Variants in P2RY6 observed in about 807,000 individuals in gnomAD.
The protein encoded by P2RY6 is P2Y purinoceptor 6.
Under a neutral mutation model 16.3 loss-of-function variants are expected in P2RY6, and 19 were observed. The observed-to-expected ratio is 1.16, with a 90% CI of 0.81 to 1.71. The LOEUF is 1.71. Ranked by LOEUF, P2RY6 falls within the 40% of genes most tolerant of loss-of-function variation. P2RY6 has a pLI of 0.00. For missense variants in P2RY6, 389 were observed against 455.5 expected (o/e 0.85, Z 1.33); for synonymous variants, 184 against 201.5 (o/e 0.91, Z 0.74).
intron 1 of P2RY6, among the ~76,000 whole-genome samples, chr11:73,276,949 A>G (rs949616091): frequency 7.2e-5 from 11 of 152,176 alleles, no homozygotes; most frequent in African/African-American, 2.7e-4. Context: ...GTCCTCAGGT[A>G]GGTGAAAGGG....
upstream of P2RY6, chr11:73,270,153 T>C (rs1036664809): frequency 7.2e-5 from 11 of 152,260 alleles, no homozygotes; most frequent in Non-Finnish European, 1.2e-4. Context: ...ACACTCCTGA[T>C]ATGTAAGTGC....
chr11:73,285,673 A>C (rs1035265545), intron 1 of P2RY6, among the ~76,000 whole-genome samples: 8 of 152,226 alleles, frequency 5.3e-5, no homozygotes, highest in Non-Finnish European at 1.5e-5. Context: ...TCCCAAAAGA[A>C]GAGACTATGC....
chr11:73,270,617 A>C (rs2135684460), upstream of P2RY6, among the ~76,000 whole-genome samples: 1 of 152,234 alleles, frequency 6.6e-6, no homozygotes, highest in South Asian at 2.1e-4. Context: ...TGGTTGAGGG[A>C]TGTGCTCCCT....
At chr11:73,284,262 A>T (rs1045364548) in intron 1 of P2RY6, among the ~76,000 whole-genome samples, 1 of 152,096 alleles carries the variant, frequency 6.6e-6, no homozygotes, top group African/African-American at 2.4e-5. Flanking sequence ...ACAGTGCAGG[A>T]TGGAGCAGTC....
intron 1 of P2RY6, among the ~76,000 whole-genome samples, chr11:73,293,118 T>C (rs946113972): frequency 6.6e-6 from 1 of 151,894 alleles, no homozygotes. Flanking sequence ...AGAAGCAAGG[T>C]GAGATCTGGA....
chr11:73,275,432 G>A (rs190072369), intron 1 of P2RY6, among the ~76,000 whole-genome samples: 40 of 152,334 alleles, frequency 2.6e-4, no homozygotes, highest in African/African-American at 9.1e-4. Flanking sequence ...AGGGACAGGG[G>A]CATGACAGGG....
chr11:73,267,247 G>A (rs549429926), intron 1 of P2RY6, among the ~76,000 whole-genome samples: 1 of 152,286 alleles, frequency 6.6e-6, no homozygotes, highest in African/African-American at 2.4e-5. Flanking sequence ...CATGTGAGAA[G>A]CCCCAGAAAA....
chr11:73,272,675 A>T (rs1863363999), intron 1 of P2RY6, among the ~76,000 whole-genome samples: 1 of 152,166 alleles, frequency 6.6e-6, no homozygotes, highest in Non-Finnish European at 1.5e-5. Context: ...GCACCGCAGG[A>T]CGGGGTCAGT....
At chr11:73,291,839 G>A (rs1864263006) in intron 1 of P2RY6, among the ~76,000 whole-genome samples, 1 of 152,020 alleles carries the variant, frequency 6.6e-6, no homozygotes, top group East Asian at 1.9e-4. Context: ...AAGGGAAGGG[G>A]CTTATCTAGT....
chr11:73,279,432 A>G (rs1863669379), intron 1 of P2RY6, among the ~76,000 whole-genome samples: 1 of 152,174 alleles, frequency 6.6e-6, no homozygotes, highest in Admixed American at 6.5e-5. Context: ...CTTTTGGTTC[A>G]GGGTGGTTAG....
intron 1 of P2RY6, among the ~76,000 whole-genome samples, chr11:73,275,335 G>A (rs1182025361): frequency 6.6e-6 from 1 of 152,176 alleles, no homozygotes; most frequent in African/African-American, 2.4e-5. Flanking sequence ...CAGAGTGAGG[G>A]ATAACCTTGT....
rs565054465 is a variant in P2RY6 at position 73,283,730 on chromosome 11, T to C, written c.-121+11264T>C. Among the ~76,000 whole-genome samples, 5 of 152,120 alleles carry C rather than the reference T, an allele frequency of 3.3e-5. No individual in the cohort carries two copies. In the East Asian group the frequency reaches 7.7e-4, roughly 24 times the overall value. ...TGCCCTGGGCCTGACTGTAAGTGTGTGAGAAATGGGTGCAGGGAGGCAGGG... is the reference window on the plus strand; with the variant it reads ...TGCCCTGGGCCTGACTGTAAGTGTGCGAGAAATGGGTGCAGGGAGGCAGGG... On this transcript the variant is annotated intron_variant, in intron 1 of 2. Coordinates refer to ENST00000540124, the MANE Select transcript of P2RY6 (RefSeq NM_001277204.2).
intron 1 of P2RY6, among the ~76,000 whole-genome samples, chr11:73,284,363 G>A (rs1295444071): frequency 6.6e-6 from 1 of 152,122 alleles, no homozygotes; most frequent in African/African-American, 2.4e-5. Context: ...GGCAAGGGGA[G>A]GGAGAGAAGC....
At chr11:73,288,163 T>C (rs1392027088) in intron 1 of P2RY6, among the ~76,000 whole-genome samples, 1 of 152,246 alleles carries the variant, frequency 6.6e-6, no homozygotes, top group African/African-American at 2.4e-5. Context: ...TTTTGCACAA[T>C]GCTTGGTGCA....
chr11:73,266,889 G>C (rs1242662799), intron 1 of P2RY6, among the ~76,000 whole-genome samples: 1 of 152,150 alleles, frequency 6.6e-6, no homozygotes, highest in Non-Finnish European at 1.5e-5. Flanking sequence ...GAGCCCTCCT[G>C]GGGAGAAGGA....
chr11:73,294,131 G>A lies in P2RY6; in HGVS notation c.-120-1599G>A, dbSNP rs563742117. The stretch of plus-strand genomic sequence containing the variant: ...GGTGACGAGGGGAACATGATAGAGG[G>A]GTGCTATGTTCTTCAACCTTCCTCC... On this transcript the variant is annotated intron_variant, in intron 1 of 2. Coordinates refer to ENST00000540124, the MANE Select transcript of P2RY6 (RefSeq NM_001277204.2). 2.0e-5 allele frequency among the ~76,000 whole-genome samples: 3 copies of A among 152,206 alleles called. No homozygotes were observed. In the South Asian group the frequency reaches 6.2e-4, roughly 32 times the overall value.
intron 1 of P2RY6, among the ~76,000 whole-genome samples, chr11:73,291,128 C>T (rs540538862): frequency 8.5e-5 from 13 of 152,296 alleles, no homozygotes; most frequent in African/African-American, 1.7e-4. Flanking sequence ...ATGAGCCTTT[C>T]CTTCCCCTCT....
At chr11:73,279,857 G>A (rs181733049) in intron 1 of P2RY6, among the ~76,000 whole-genome samples, 1 of 152,330 alleles carries the variant, frequency 6.6e-6, no homozygotes, top group East Asian at 1.9e-4. Context: ...ATGCAGGACA[G>A]GCAAACATTC....
At chr11:73,296,306 G>A (rs1324628713) in intron 2 of P2RY6, among the ~76,000 whole-genome samples, 179 bp from the exon 3 acceptor site, 3 of 150,124 alleles carry the variant, frequency 2.0e-5, no homozygotes, top group Non-Finnish European at 4.4e-5. Flanking sequence ...TAGCTTTATT[G>A]TATCCCAAGT....
Sources: gnomAD v4.1 joint callset for allele counts (sites outside exome capture counted in the v4.1 genomes callset) on GRCh38, gnomAD v4.1.1 for gene constraint, MANE v1.5 for transcripts, NCBI Gene and HGNC (gene_info 2026-07-23, HGNC 2026-07-21) for gene names.